ANKRD44: variants seen among roughly 807,000 people sequenced by gnomAD.
ANKRD44 encodes ankyrin repeat domain 44.
ANKRD44 carries 35 observed loss-of-function variants against 116.0 expected under a neutral mutation model. The observed-to-expected ratio is 0.30, with a 90% CI of 0.23 to 0.40. The LOEUF is 0.40. Among genes scored for constraint, ANKRD44 ranks in the 10% least tolerant of loss-of-function variants. ANKRD44 has a pLI of 1.00. For synonymous variants in ANKRD44, 435 were observed against 461.8 expected (o/e 0.94, Z 0.74); for missense variants, 1,014 against 1,242.6 (o/e 0.82, Z 2.77).
intron 17 of ANKRD44, among the ~76,000 whole-genome samples, chr2:197,022,741 G>A (rs1203810776): frequency 2.6e-5 from 4 of 152,298 alleles, no homozygotes; most frequent in Middle Eastern, 3.4e-3. Context: ...GCTCATGCCT[G>A]CAATTACAGC....
At chr2:196,976,904 A>AGAGG (rs1249200749) in intron 21 of ANKRD44, among the ~76,000 whole-genome samples, 1 of 145,392 alleles carries the variant, frequency 6.9e-6, no homozygotes, top group Admixed American at 6.8e-5. Context: ...AGGAAAGAAG[A>AGAGG]GAGGGAGGGA....
chr2:197,061,889 T>C lies in ANKRD44; in HGVS notation c.1650+16814A>G, dbSNP rs1487781093. ...TCTGCCTTCCAGATTCAAGCAATTC[T>C]CCTGCCTCAGCTTCCCAAGTAGCTG... On this transcript the variant is annotated intron_variant, in intron 16 of 27. Transcript: ENST00000282272. 2.6e-5 allele frequency among the ~76,000 whole-genome samples: 4 copies of C among 151,986 alleles called. No individual in the cohort carries two copies. In the East Asian group the frequency reaches 7.8e-4, roughly 30 times the overall value.
At chr2:197,113,314 A>G (rs925505385) in intron 8 of ANKRD44, among the ~76,000 whole-genome samples, 1 of 152,202 alleles carries the variant, frequency 6.6e-6, no homozygotes, top group Non-Finnish European at 1.5e-5. Context: ...AGGATTTAAA[A>G]CACCCCCTTC....
chr2:197,148,854 T>C (rs965429901), intron 2 of ANKRD44, among the ~76,000 whole-genome samples: 1 of 152,218 alleles, frequency 6.6e-6, no homozygotes, highest in Non-Finnish European at 1.5e-5. Context: ...TATAAAATAA[T>C]GGCATGCATT....
intron 18 of ANKRD44, among the ~76,000 whole-genome samples, chr2:197,010,162 C>T (rs573230811): frequency 7.2e-5 from 11 of 152,198 alleles, no homozygotes; most frequent in African/African-American, 2.6e-4. Context: ...GGTCGTTTTA[C>T]ATTCTGAGGT....
At chr2:197,256,484 T>C (rs1041884326) in intron 1 of ANKRD44, among the ~76,000 whole-genome samples, 2 of 152,192 alleles carry the variant, frequency 1.3e-5, no homozygotes, top group African/African-American at 4.8e-5. Context: ...ACAAGTTATC[T>C]ACATCAAAGT....
chr2:197,014,450 C>T (rs1239445024), intron 17 of ANKRD44, among the ~76,000 whole-genome samples: 2 of 152,256 alleles, frequency 1.3e-5, no homozygotes, highest in East Asian at 1.9e-4. Context: ...CTCCATGTAG[C>T]AGCACTAAGT....
In ANKRD44 at chr2:197,078,723, G is replaced by C. The variant is rs1212297176; in HGVS notation, c.1630C>G (p.His544Asp). Residue 544 changes from histidine to aspartate, a missense_variant, in exon 16 of 28, where the codon CAC becomes GAC. By Grantham distance (81) the His-to-Asp change is moderately conservative. Coordinates refer to ENST00000282272, the MANE Select transcript of ANKRD44 (RefSeq NM_001195144.2). ...NSIHYAAAYGHRQCLELLLER... is the reference protein window; with the variant it reads ...NSIHYAAAYGDRQCLELLLER... Reference sequence around the variant, plus strand: ...CTCACCAATTCCAGACACTGCCTGTGCCCATAGGCGGCAGCATAATGTATG... The same window carrying C: ...CTCACCAATTCCAGACACTGCCTGTCCCCATAGGCGGCAGCATAATGTATG... 3 of 1,611,610 alleles carry C rather than the reference G, an allele frequency of 1.9e-6. No individual in the cohort carries two copies. Among genetic ancestry groups the C allele is most frequent in the Non-Finnish European group, 2.5e-6 (3 of 1,178,512 alleles).
chr2:197,158,986 C>CAA (rs1349049086), intron 2 of ANKRD44, among the ~76,000 whole-genome samples: 4 of 149,564 alleles, frequency 2.7e-5, no homozygotes, highest in Admixed American at 6.7e-5. Flanking sequence ...AGCAAACAAA[C>CAA]ACACACACAC....
At chr2:197,198,686 G>A (rs563818357) in intron 1 of ANKRD44, among the ~76,000 whole-genome samples, 3 of 152,192 alleles carry the variant, frequency 2.0e-5, no homozygotes, top group South Asian at 4.2e-4. Flanking sequence ...CCAGCTACTC[G>A]GGAGGCTGAA....
At position 197,310,633 on chromosome 2, in the gene ANKRD44, G is replaced by A; in HGVS notation, c.-29C>T. On this transcript the variant is annotated 5_prime_UTR_variant, in exon 1 of 28. Transcript: ENST00000282272. ...TCCGCTCCTTCGCGCGCACACACAT[G>A]CAGGTCCCCGGCCCGCAGATGTCAC... The A allele has an allele frequency of 7.5e-7, 1 of 1,333,484 alleles. No homozygotes were observed. Among genetic ancestry groups the A allele is most frequent in the Non-Finnish European group, 9.8e-7 (1 of 1,018,272 alleles). 82.6% of individuals were successfully genotyped at this position (1,333,484 alleles called of 1,614,324 possible).
At chr2:197,103,151 C>T (rs2078338894) in intron 9 of ANKRD44, among the ~76,000 whole-genome samples, 1 of 150,962 alleles carries the variant, frequency 6.6e-6, no homozygotes, top group Non-Finnish European at 1.5e-5. Flanking sequence ...TGGTGTGAAC[C>T]CGGGAGGCAG....
chr2:197,110,937 C>T, intron 8 of ANKRD44, 93 bp from the exon 9 acceptor site: 1 of 841,332 alleles, frequency 1.2e-6, no homozygotes, highest in Admixed American at 1.8e-5. Flanking sequence ...CTAATAATGC[C>T]CTGAAAACAT....
At chr2:197,012,558 A>G (rs1258767083) in intron 18 of ANKRD44, among the ~76,000 whole-genome samples, 1 of 151,340 alleles carries the variant, frequency 6.6e-6, no homozygotes, top group African/African-American at 2.4e-5. Flanking sequence ...TTTTTTTTCC[A>G]GCAACAATCA....
intron 21 of ANKRD44, among the ~76,000 whole-genome samples, chr2:196,969,608 G>C (rs2075700993): frequency 6.6e-6 from 1 of 152,228 alleles, no homozygotes; most frequent in South Asian, 2.1e-4. Context: ...TACATTGCTA[G>C]TGGCATCTAC....
intron 16 of ANKRD44, among the ~76,000 whole-genome samples, chr2:197,028,386 C>T (rs1288326853): frequency 1.3e-5 from 2 of 152,170 alleles, no homozygotes; most frequent in East Asian, 3.9e-4. Flanking sequence ...CCACGCCTGG[C>T]TCTTGAAGCT....
intron 1 of ANKRD44, among the ~76,000 whole-genome samples, chr2:197,254,620 C>T (rs1559189823): frequency 7.2e-6 from 1 of 139,128 alleles, no homozygotes; most frequent in Non-Finnish European, 1.6e-5. Flanking sequence ...CACACACACA[C>T]ACACACACAC....
At chr2:197,077,459 T>C (rs1219345524) in intron 16 of ANKRD44, among the ~76,000 whole-genome samples, 1 of 152,188 alleles carries the variant, frequency 6.6e-6, no homozygotes, top group Non-Finnish European at 1.5e-5. Context: ...GCCTGATTTG[T>C]GGTTCCACTC....
intron 16 of ANKRD44, among the ~76,000 whole-genome samples, chr2:197,077,545 T>C (rs1361031236): frequency 1.3e-5 from 2 of 152,212 alleles, no homozygotes; most frequent in African/African-American, 4.8e-5. Flanking sequence ...AAGAATGTTT[T>C]TAGCCTACTT....
Sources: gnomAD v4.1 joint callset for allele counts (sites outside exome capture counted in the v4.1 genomes callset) on GRCh38, gnomAD v4.1.1 for gene constraint, MANE v1.5 for transcripts, NCBI Gene and HGNC (gene_info 2026-07-23, HGNC 2026-07-21) for gene names.